The following SSUH2 variants were observed in gnomAD, a reference collection of about 807,000 sequenced individuals.
SSUH2 encodes protein SSUH2 homolog.
In SSUH2, 47 loss-of-function variants were observed where a neutral mutation model predicts 55.3. The observed-to-expected ratio is 0.85, with a 90% CI of 0.67 to 1.08. The LOEUF is 1.08. Ranked by LOEUF, SSUH2 falls within the 50% of genes least tolerant of loss-of-function variation. The pLI is 0.00. For missense variants in SSUH2, 535 were observed against 490.7 expected (o/e 1.09, Z -0.85); for synonymous variants, 212 against 191.5 (o/e 1.11, Z -0.89).
intron 10 of SSUH2, among the ~76,000 whole-genome samples, chr3:8,624,400 G>A (rs1697095264): frequency 6.6e-6 from 1 of 152,216 alleles, no homozygotes; most frequent in Non-Finnish European, 1.5e-5. Context: ...TCCTCAGTCT[G>A]AGCTGAGCCC....
chr3:8,651,742 T>A (rs907640988), intron 7 of SSUH2, among the ~76,000 whole-genome samples: 4 of 152,106 alleles, frequency 2.6e-5, no homozygotes, highest in African/African-American at 9.7e-5. Flanking sequence ...AGGCCTCCCA[T>A]CTAATGTCAA....
intron 1 of SSUH2, among the ~76,000 whole-genome samples, chr3:8,640,573 A>G (rs974380872): frequency 4.6e-5 from 7 of 152,182 alleles, no homozygotes; most frequent in African/African-American, 1.7e-4. Flanking sequence ...GAGAGAAGGT[A>G]AGGCAGCTAA....
chr3:8,633,896 A>T, intron 3 of SSUH2, 101 bp from the exon 4 acceptor site: 1 of 1,613,996 alleles, frequency 6.2e-7, no homozygotes, highest in Non-Finnish European at 8.5e-7. Flanking sequence ...AACTGAGGCC[A>T]CGGTAGTGGT....
intron 5 of SSUH2, among the ~76,000 whole-genome samples, chr3:8,670,133 C>A (rs1193503621): frequency 6.6e-6 from 1 of 152,128 alleles, no homozygotes; most frequent in Non-Finnish European, 1.5e-5. Context: ...TCGGAAGAAA[C>A]CCCTCCCTTG....
intron 8 of SSUH2, among the ~76,000 whole-genome samples, chr3:8,626,537 G>GCCC (rs58662232): frequency 1.4e-4 from 15 of 107,630 alleles, no homozygotes; most frequent in East Asian, 2.9e-4. Flanking sequence ...TCTAGGGCCT[G>GCCC]CCCCCCCCCC....
At chr3:8,624,976 G>A (rs1003021263) in intron 10 of SSUH2, among the ~76,000 whole-genome samples, 1 of 152,102 alleles carries the variant, frequency 6.6e-6, no homozygotes, top group Non-Finnish European at 1.5e-5. Flanking sequence ...CTTCCACAAA[G>A]AGGCTTTCCC....
At chr3:8,633,612 C>G in intron 4 of SSUH2, 54 bp downstream of exon 4, 3 of 1,420,486 alleles carry the variant, frequency 2.1e-6, no homozygotes, top group South Asian at 3.0e-5. Context: ...TGTCCCAAAG[C>G]CCCCAGCTCC....
At chr3:8,661,128 C>T (rs1703444176) in intron 6 of SSUH2, among the ~76,000 whole-genome samples, 1 of 152,238 alleles carries the variant, frequency 6.6e-6, no homozygotes, top group African/African-American at 2.4e-5. Context: ...AGCCACTGCT[C>T]CTTACACCTT....
chr3:8,671,182 T>C (rs1011852892), intron 4 of SSUH2: 4 of 184,478 alleles, frequency 2.2e-5, no homozygotes, highest in Admixed American at 1.1e-4. Flanking sequence ...TATTAAAGGG[T>C]GTACAGGACC....
intron 7 of SSUH2, 28 bp from the exon 8 acceptor site, chr3:8,627,811 C>G: frequency 6.3e-7 from 1 of 1,587,638 alleles, no homozygotes; most frequent in South Asian, 1.2e-5. Context: ...CCTCAGCCCC[C>G]GCTGGCCTCC....
chr3:8,665,987 C>G (rs2125387045), intron 5 of SSUH2, among the ~76,000 whole-genome samples: 1 of 152,206 alleles, frequency 6.6e-6, no homozygotes, highest in African/African-American at 2.4e-5. Flanking sequence ...ATTATTTACT[C>G]CCAAAAACCT....
intron 1 of SSUH2, 144 bp downstream of exon 1, chr3:8,644,587 C>A: frequency 1.3e-6 from 1 of 766,840 alleles, no homozygotes; most frequent in Non-Finnish European, 2.2e-6. Flanking sequence ...TGGAAGAGTT[C>A]ACACAGTGCT....
At position 8,633,702 on chromosome 3, in the gene SSUH2, G is replaced by C; in HGVS notation, c.303C>G (p.Leu101=). 1 of 1,539,828 alleles carries C rather than the reference G, an allele frequency of 6.5e-7. No homozygotes were observed. The highest frequency in any genetic ancestry group is 2.3e-5 in the East Asian group (1 of 44,088). The change falls in exon 4 of 12, where the codon CTC becomes CTG. Residue 101 remains leucine, a synonymous_variant. Coordinates refer to ENST00000544814, the MANE Select transcript of SSUH2 (RefSeq NM_001256748.3). ...CCYSSTVAGD[L]VIQELKRQTL... ...TCTGCCGCTTCAGCTCCTGGATGAC[G>C]AGGTCTCCAGCCACCGTGCTGCTGT...
At chr3:8,640,066 G>A in intron 1 of SSUH2, 2 of 888,734 alleles carry the variant, frequency 2.3e-6, no homozygotes, top group Non-Finnish European at 2.7e-6. Flanking sequence ...ATGGTTGACA[G>A]GGGCTGTGGG....
Position 8,644,761 on chromosome 3 carries a change from T to G in SSUH2, c.-3A>C, listed in dbSNP as rs887036410. ...TCTTCATTCAGATCCCTGTCCATGT[T>G]CCAGACGTCCTGCCAAAGAGATGTC... On this transcript the variant is annotated 5_prime_UTR_variant, in exon 1 of 12. Transcript: ENST00000544814. 1.6e-5 allele frequency: 24 copies of G among 1,535,984 alleles called. No homozygotes were observed. In the Admixed American group the frequency reaches 3.7e-4, roughly 24 times the overall value.
chr3:8,656,966 C>T (rs1015344421), intron 7 of SSUH2, among the ~76,000 whole-genome samples: 1 of 152,204 alleles, frequency 6.6e-6, no homozygotes, highest in Non-Finnish European at 1.5e-5. Context: ...CTTCAACCTC[C>T]ACCTCCCAGG....
upstream of SSUH2, among the ~76,000 whole-genome samples, chr3:8,649,335 G>C (rs185967136): frequency 1.0e-3 from 159 of 152,278 alleles, 1 homozygote; most frequent in African/African-American, 3.7e-3. Context: ...GGTCCCAGGA[G>C]CGGGCAAGGT....
chr3:8,671,618 T>G (rs60342400), intron 4 of SSUH2, among the ~76,000 whole-genome samples: 7,535 of 152,202 alleles, frequency 0.05, 627 homozygotes, highest in African/African-American at 0.17. Context: ...ATCTCAAGTG[T>G]GTAGAGTCCT....
intron 9 of SSUH2, among the ~76,000 whole-genome samples, 180 bp from the exon 10 acceptor site, chr3:8,625,827 G>C (rs578071384): frequency 1.3e-5 from 2 of 152,338 alleles, no homozygotes; most frequent in South Asian, 4.1e-4. Context: ...AGTAAGGAGA[G>C]TGACAGTTCA....
Sources: allele counts gnomAD v4.1 joint callset (sites outside exome capture counted in the v4.1 genomes callset), GRCh38; gene constraint gnomAD v4.1.1; transcripts MANE v1.5; gene names NCBI Gene and HGNC (gene_info 2026-07-23, HGNC 2026-07-21).